The following TAF4 variants were observed in gnomAD, a reference collection of about 807,000 sequenced individuals.
The protein encoded by TAF4 is transcription initiation factor TFIID subunit 4.
A neutral mutation model predicts 90.3 loss-of-function variants in TAF4; 9 were observed. The ratio of observed to expected loss-of-function variants is 0.10; its 90% CI spans 0.06 to 0.17. The LOEUF (loss-of-function observed/expected upper bound fraction) is 0.17. TAF4 is among the 10% of genes least tolerant of loss of function. TAF4 has a pLI of 1.00. For missense variants in TAF4, 1,351 were observed against 1,370.7 expected, an observed-to-expected ratio of 0.99 and a Z score of 0.23; for synonymous variants, 818 against 638.9, an observed-to-expected ratio of 1.28 and a Z score of -4.23.
At chr20:61,983,765 T>C (rs932557792) in intron 14 of TAF4, among the ~76,000 whole-genome samples, 27 of 152,078 alleles carry the variant, frequency 1.8e-4, no homozygotes, top group Non-Finnish European at 3.2e-4. Flanking sequence ...ACTCACCTAT[T>C]AAAAGAGAAA....
chr20:62,051,162 C>G (rs1353088304), intron 1 of TAF4, among the ~76,000 whole-genome samples: 1 of 152,190 alleles, frequency 6.6e-6, no homozygotes, highest in Admixed American at 6.5e-5. Flanking sequence ...GCCCCGCAGG[C>G]GCTGGGGCTG....
chr20:62,049,791 C>T (rs1365386656), intron 1 of TAF4, among the ~76,000 whole-genome samples: 1 of 152,142 alleles, frequency 6.6e-6, no homozygotes, highest in Middle Eastern at 3.2e-3. Context: ...CCACCAGTCA[C>T]GTGGCCTTGA....
intron 1 of TAF4, among the ~76,000 whole-genome samples, chr20:62,021,120 C>CG (rs780399807): frequency 1.1e-4 from 16 of 152,256 alleles, no homozygotes; most frequent in Admixed American, 5.9e-4. Context: ...CGAAACCCCC[C>CG]GGGAAATTAC....
chr20:61,991,921 C>T (rs936064187), intron 14 of TAF4, among the ~76,000 whole-genome samples: 4 of 152,038 alleles, frequency 2.6e-5, no homozygotes, highest in Admixed American at 6.6e-5. Flanking sequence ...TAAAATGAGG[C>T]TCTCATTAGA....
At chr20:62,039,039 G>C (rs187824609) in intron 1 of TAF4, among the ~76,000 whole-genome samples, 2 of 152,344 alleles carry the variant, frequency 1.3e-5, no homozygotes, top group Middle Eastern at 3.4e-3. Context: ...AGATGTGAAA[G>C]AGTGAAAAAT....
chr20:62,036,816 T>A (rs955260863), intron 1 of TAF4, among the ~76,000 whole-genome samples: 4 of 152,242 alleles, frequency 2.6e-5, no homozygotes, highest in African/African-American at 4.8e-5. Context: ...ACAATTCATA[T>A]GCTGAAACCC....
intron 1 of TAF4, among the ~76,000 whole-genome samples, chr20:62,029,073 G>A (rs1195720542): frequency 6.6e-6 from 1 of 151,884 alleles, no homozygotes; most frequent in East Asian, 1.9e-4. Context: ...GTGGGCGCCT[G>A]TAGTCCCAGC....
chr20:62,039,940 C>T (rs1235537516), intron 1 of TAF4, among the ~76,000 whole-genome samples: 1 of 152,160 alleles, frequency 6.6e-6, no homozygotes, highest in Non-Finnish European at 1.5e-5. Flanking sequence ...ATCAAAGCCA[C>T]AACATAATGG....
chr20:61,998,272 C>T, intron 12 of TAF4, 80 bp from the exon 13 acceptor site: 2 of 1,427,034 alleles, frequency 1.4e-6, no homozygotes, highest in Non-Finnish European at 1.9e-6. Context: ...ATCTTATTTA[C>T]TATACAATAA....
At chr20:62,009,953 G>A in intron 4 of TAF4, 93 bp downstream of exon 4, 1 of 1,582,098 alleles carries the variant, frequency 6.3e-7, no homozygotes, top group African/African-American at 1.3e-5. Flanking sequence ...AGCGGTCTGG[G>A]ACAGAAGCCG....
chr20:61,983,007 G>A (rs60202813), intron 14 of TAF4, among the ~76,000 whole-genome samples: 3,667 of 152,268 alleles, frequency 0.024, 66 homozygotes, highest in Middle Eastern at 0.058. Context: ...TCTATTGGGC[G>A]GGAAACTGCA....
intron 7 of TAF4, among the ~76,000 whole-genome samples, chr20:62,004,093 G>T (rs2273990): frequency 0.6 from 90,751 of 151,712 alleles, 27,563 homozygotes; most frequent in Middle Eastern, 0.76. Flanking sequence ...TGGGCGAGGG[G>T]TGCCCGTGTG....
chr20:62,054,350 C>G (rs1205578901), intron 1 of TAF4, among the ~76,000 whole-genome samples: 1 of 152,178 alleles, frequency 6.6e-6, no homozygotes, highest in South Asian at 2.1e-4. Context: ...GACTTTCTGG[C>G]TCTAGAGATC....
At chr20:62,038,535 TAAAGG>T (rs1273681720) in intron 1 of TAF4, among the ~76,000 whole-genome samples, 1 of 152,110 alleles carries the variant, frequency 6.6e-6, no homozygotes, top group Non-Finnish European at 1.5e-5. Context: ...CAAAATTTTT[TAAAGG>T]ACCACGTACA....
At chr20:62,000,318 A>G (rs928971180) in intron 10 of TAF4, 64 bp from the exon 11 acceptor site, 154 of 1,576,648 alleles carry the variant, frequency 9.8e-5, no homozygotes, top group Middle Eastern at 2.1e-4. Flanking sequence ...CTTTACGGCT[A>G]ATCTCTGATC....
chr20:62,040,464 C>T (rs541608898), intron 1 of TAF4, among the ~76,000 whole-genome samples: 9 of 152,360 alleles, frequency 5.9e-5, no homozygotes, highest in African/African-American at 1.9e-4. Context: ...GGGGAGGAAG[C>T]TGGAGCAGGG....
At position 62,065,466 on chromosome 20, in the gene TAF4, G is replaced by T; in HGVS notation, c.345C>A (p.Val115=). The T allele has an allele frequency of 1.0e-6, 1 of 976,370 alleles. No individual in the cohort carries two copies. The highest frequency in any genetic ancestry group is 4.6e-5 in the South Asian group (1 of 21,894). 60.5% of individuals were successfully genotyped at this position (976,370 alleles called of 1,614,324 possible). Residue 115 remains valine (V), a synonymous_variant, in exon 1 of 15, where the codon GTC becomes GTA. Transcript: ENST00000252996. ...CGGCGGGCGGCGCGGGCCCTGCGGG[G>T]ACAAGGGGGCGGCGCGGTGAGGGGG... ...PGPPSPRRPL[V]PAGPAPPAAK...
At chr20:62,051,346 G>A (rs1349409050) in intron 1 of TAF4, among the ~76,000 whole-genome samples, 4 of 152,148 alleles carry the variant, frequency 2.6e-5, no homozygotes, top group Non-Finnish European at 4.4e-5. Flanking sequence ...CACTGTGCCT[G>A]AAGCAATCAC....
intron 1 of TAF4, among the ~76,000 whole-genome samples, chr20:62,063,076 A>G (rs1346634335): frequency 1.3e-5 from 2 of 151,948 alleles, no homozygotes; most frequent in African/African-American, 4.8e-5. Flanking sequence ...ACCCCTACAA[A>G]CGCTTCAGTA....
Sources: gnomAD v4.1 joint callset for allele counts (sites outside exome capture counted in the v4.1 genomes callset) on GRCh38, gnomAD v4.1.1 for gene constraint, MANE v1.5 for transcripts, NCBI Gene and HGNC (gene_info 2026-07-23, HGNC 2026-07-21) for gene names.